Variants in INPP5B observed in about 807,000 individuals in gnomAD.
The protein encoded by INPP5B is inositol polyphosphate-5-phosphatase B.
Under a neutral mutation model 118.5 loss-of-function variants are expected in INPP5B, and 90 were observed. That is an observed-to-expected ratio of 0.76 (90% CI 0.64 to 0.90). The LOEUF is 0.90. INPP5B is among the 40% of genes least tolerant of loss of function. INPP5B has a pLI of 0.00. For missense variants in INPP5B, 984 were observed against 1,125.6 expected, an observed-to-expected ratio of 0.87 and a Z score of 1.80; for synonymous variants, 385 against 418.9, an observed-to-expected ratio of 0.92 and a Z score of 0.99.
At chr1:37,909,877 C>T (rs879248876) in intron 7 of INPP5B, among the ~76,000 whole-genome samples, 13 of 152,210 alleles carry the variant, frequency 8.5e-5, no homozygotes, top group Admixed American at 8.5e-4. Flanking sequence ...ACGCCTAAAC[C>T]TCAGGGGTCA....
Position 37,866,402 on chromosome 1 carries a change from TCTCTCA to T in INPP5B, c.2386+51_2386+56del, listed in dbSNP as rs1298760927. ...CACTCATATTCTCTCTCTCTCTCTCTCTCTCACACACACACACACACACACACACAC... is the reference window on the plus strand; with the variant it reads ...CACTCATATTCTCTCTCTCTCTCTCTCACACACACACACACACACACACAC... On this transcript the variant is annotated intron_variant, in intron 21 of 23. Transcript: ENST00000373024. 4.4e-3 allele frequency: 2,989 copies of T among 681,072 alleles called. 6 individuals are homozygous for T. Among genetic ancestry groups the T allele is most frequent in the South Asian group, 7.8e-3 (457 of 58,682 alleles). The allele number at this position is 681,072 out of a possible 1,614,324, so 42.2% of individuals were successfully genotyped here.
rs893699387 is a variant in INPP5B, at chr1:37,886,991, C to T, written c.1028G>A (p.Arg343Gln). ...TAACAGCAGCATAATCCCAACCAGT[C>T]GGATAAGCTTCACCTGGAAAAGAGA... is the stretch of plus-strand genomic sequence containing the variant. Reference protein sequence around the residue: ...DAKYAKVKLIRLVGIMLLLYV... With the variant: ...DAKYAKVKLIQLVGIMLLLYV... Residue 343 changes from arginine (R) to glutamine (Q), a missense_variant, in exon 12 of 24, where the codon CGA becomes CAA. Arg to Gln is a conservative substitution (Grantham distance 43). Around this residue, in one of 2 missense-constraint regions of INPP5B, gnomAD observed 634 missense variants for 791.0 expected, o/e 0.80. Transcript: ENST00000373024. 9 of 1,613,848 alleles carry T rather than the reference C, an allele frequency of 5.6e-6. No individual in the cohort carries two copies. Among genetic ancestry groups the T allele is most frequent in the Non-Finnish European group, 7.6e-6 (9 of 1,179,862 alleles).
chr1:37,916,410 CAT>C (rs758201020), intron 7 of INPP5B, among the ~76,000 whole-genome samples: 1,588 of 147,198 alleles, frequency 0.011, 36 homozygotes, highest in African/African-American at 0.034. Context: ...CTTTTTCTTT[CAT>C]TTTTTTTTTT....
At chr1:37,875,957 G>C (rs1642773819) in intron 16 of INPP5B, among the ~76,000 whole-genome samples, 3 of 152,222 alleles carry the variant, frequency 2.0e-5, no homozygotes, top group African/African-American at 7.2e-5. Context: ...GGAAGTGAAA[G>C]CATGGTTAGC....
intron 11 of INPP5B, among the ~76,000 whole-genome samples, 164 bp downstream of exon 11, chr1:37,887,187 G>A (rs1643593623): frequency 6.6e-6 from 1 of 152,126 alleles, no homozygotes; most frequent in African/African-American, 2.4e-5. Context: ...GCGAGACCCT[G>A]CATCTTTCCC....
Position 37,866,406 on chromosome 1 carries a change from T to TCTCTCACACACACA in INPP5B, c.2386+52_2386+53insTGTGTGTGTGAGAG, listed in dbSNP as rs748938943. 59 of 404,516 alleles carry TCTCTCACACACACA rather than the reference T, an allele frequency of 1.5e-4. No individual in the cohort carries two copies. The African/African-American group carries it at 1.5e-3, about 11-fold the overall frequency. The allele number at this position is 404,516 out of a possible 1,614,324, so 25.1% of individuals were successfully genotyped here. On this transcript the variant is annotated intron_variant, in intron 21 of 23. Coordinates refer to ENST00000373024, the MANE Select transcript of INPP5B (RefSeq NM_005540.3). ...CATATTCTCTCTCTCTCTCTCTCTC[T>TCTCTCACACACACA]CACACACACACACACACACACACAC...
chr1:37,911,385 C>T (rs1644693359), intron 7 of INPP5B, among the ~76,000 whole-genome samples: 1 of 152,212 alleles, frequency 6.6e-6, no homozygotes. Flanking sequence ...CACCTGATCC[C>T]CATGACTGTA....
At chr1:37,862,942 T>C (rs987526715) in intron 23 of INPP5B, among the ~76,000 whole-genome samples, 1 of 152,152 alleles carries the variant, frequency 6.6e-6, no homozygotes, top group African/African-American at 2.4e-5. Context: ...GTGGCTGAGG[T>C]TGGGGGGTTG....
At chr1:37,864,200 A>C in intron 23 of INPP5B, 112 bp downstream of exon 23, 1 of 633,882 alleles carries the variant, frequency 1.6e-6, no homozygotes, top group Non-Finnish European at 2.8e-6. Flanking sequence ...CTTTGCCCAG[A>C]GCTTGATATT....
At chr1:37,885,961 T>C in intron 12 of INPP5B, 136 bp from the exon 13 acceptor site, 1 of 696,164 alleles carries the variant, frequency 1.4e-6, no homozygotes, top group Middle Eastern at 3.2e-4. Context: ...GGGTGGATCA[T>C]GAGGTCAGGA....
chr1:37,868,682 G>A, intron 19 of INPP5B, 68 bp from the exon 20 acceptor site: 1 of 977,212 alleles, frequency 1.0e-6, no homozygotes, highest in Non-Finnish European at 1.7e-6. Flanking sequence ...ATGGCATGGG[G>A]ACAGCAAACC....
intron 7 of INPP5B, among the ~76,000 whole-genome samples, chr1:37,902,670 G>A (rs1443177966): frequency 6.6e-6 from 1 of 152,034 alleles, no homozygotes. Flanking sequence ...CTATTCTCCT[G>A]CCTCAGCCTC....
chr1:37,875,689 G>C lies in INPP5B; in HGVS notation c.1705C>G (p.Arg569Gly), dbSNP rs759049604. The C allele has an allele frequency of 6.2e-7, 1 of 1,613,982 alleles. No homozygotes were observed. Among genetic ancestry groups the C allele is most frequent in the Middle Eastern group, 1.6e-4 (1 of 6,062 alleles). ...CGAACAATTTCCTCCAGTGTCTTCC[G>C]GTAAAGCTCGTCATTTACGACCCTC... is the stretch of plus-strand genomic sequence containing the variant. ...GVRVVNDELY[R>G]KTLEEIVRSL... Residue 569 changes from arginine to glycine, a missense_variant, in exon 17 of 24, where the codon CGG (arginine) becomes GGG (glycine). By Grantham distance (125) the Arg-to-Gly change is moderately radical. This residue lies in a region of INPP5B where 634 missense variants were observed against 791.0 expected (regional missense o/e 0.80). Coordinates refer to ENST00000373024, the MANE Select transcript of INPP5B (RefSeq NM_005540.3).
intron 22 of INPP5B, among the ~76,000 whole-genome samples, chr1:37,865,140 G>A (rs868699694): frequency 1.3e-5 from 2 of 151,544 alleles, no homozygotes; most frequent in African/African-American, 2.4e-5. Flanking sequence ...CTGAGATCGC[G>A]CCAATGCACT....
chr1:37,862,304 G>A lies in INPP5B; in HGVS notation c.*11C>T. ...TTGGCAGCCTCAAGTAAAATAGGAG[G>A]AGAGAGAGGCTCAGAGTGGGTTGCA... On this transcript the variant is annotated 3_prime_UTR_variant, in exon 24 of 24. Transcript: ENST00000373024. 1 of 1,563,928 alleles carries A rather than the reference G, an allele frequency of 6.4e-7. No homozygotes were observed. The highest frequency in any genetic ancestry group is 8.8e-7 in the Non-Finnish European group (1 of 1,134,594).
At chr1:37,887,925 T>C (rs1469062946) in intron 10 of INPP5B, among the ~76,000 whole-genome samples, 1 of 152,030 alleles carries the variant, frequency 6.6e-6, no homozygotes, top group Non-Finnish European at 1.5e-5. Context: ...TGGCAGAAGA[T>C]AGTTTTGCTT....
intron 7 of INPP5B, among the ~76,000 whole-genome samples, chr1:37,896,428 G>C (rs570335125): frequency 2.7e-5 from 4 of 150,912 alleles, no homozygotes; most frequent in Non-Finnish European, 4.4e-5. Flanking sequence ...AGGTGGGGGG[G>C]TCAGCCCCCC....
rs1645492224 is a variant in INPP5B, at chr1:37,931,950, G to A, written c.495C>T (p.Ala165=). Residue 165 remains alanine, a synonymous_variant, in exon 7 of 24, where the codon GCC becomes GCT. Transcript: ENST00000373024. The stretch of plus-strand genomic sequence containing the variant: ...TCGCGTACCCTGGCCAGGTAACTAG[G>A]GCCGAGTTACAACCGCGCGGCGTTG... The part of the protein sequence containing the change: ...EMPTPRGCNS[A]LVTWPGYATI... 3 of 1,614,028 alleles carry A rather than the reference G, an allele frequency of 1.9e-6. No individual in the cohort carries two copies. Among genetic ancestry groups the A allele is most frequent in the Non-Finnish European group, 2.5e-6 (3 of 1,180,026 alleles).
At chr1:37,926,294 C>T (rs1645225414) in intron 7 of INPP5B, among the ~76,000 whole-genome samples, 1 of 120,664 alleles carries the variant, frequency 8.3e-6, no homozygotes, top group East Asian at 2.3e-4. Flanking sequence ...AAAGCTGGTT[C>T]ATTTCTTTTT....
Sources: gnomAD v4.1 joint callset for allele counts (sites outside exome capture counted in the v4.1 genomes callset) on GRCh38, gnomAD v4.1.1 for gene constraint, gnomAD v4.1.1 regional missense constraint, MANE v1.5 for transcripts, NCBI Gene and HGNC (gene_info 2026-07-23, HGNC 2026-07-21) for gene names.